Variants in SPRED1 observed in about 807,000 individuals in gnomAD.
SPRED1 encodes the protein sprouty related EVH1 domain containing 1.
Under a neutral mutation model 52.3 loss-of-function variants are expected in SPRED1, and 18 were observed. That is an observed-to-expected ratio of 0.34 (90% CI 0.24 to 0.51). SPRED1 has a LOEUF of 0.51. Ranked by LOEUF, SPRED1 falls within the 20% of genes least tolerant of loss-of-function variation. SPRED1 has a pLI of 0.97. For missense variants in SPRED1, 485 were observed against 551.0 expected (o/e 0.88, Z 1.20); for synonymous variants, 155 against 179.7 (o/e 0.86, Z 1.10).
At chr15:38,268,299 G>C (rs1402481869) in intron 1 of SPRED1, 1 of 152,144 alleles carries the variant, frequency 6.6e-6, no homozygotes, top group African/African-American at 2.4e-5. Context: ...GAACATAAAT[G>C]TGAATCTTCA....
intron 5 of SPRED1, among the ~76,000 whole-genome samples, chr15:38,340,938 A>C (rs1355100850): frequency 6.7e-6 from 1 of 148,306 alleles, no homozygotes; most frequent in Non-Finnish European, 1.5e-5. Context: ...TAAGATTGGT[A>C]GTTATTTCTT....
intron 2 of SPRED1, among the ~76,000 whole-genome samples, chr15:38,314,279 T>C (rs1156823997): frequency 1.3e-5 from 2 of 151,854 alleles, no homozygotes; most frequent in Non-Finnish European, 3.0e-5. Context: ...TTGAGACATA[T>C]ATTCAGATAT....
At chr15:38,291,634 C>G (rs1894925693) in intron 1 of SPRED1, among the ~76,000 whole-genome samples, 1 of 152,236 alleles carries the variant, frequency 6.6e-6, no homozygotes, top group Non-Finnish European at 1.5e-5. Context: ...CCCACAGGTT[C>G]AACACCATGT....
At chr15:38,309,746 C>T (rs1895323573) in intron 2 of SPRED1, among the ~76,000 whole-genome samples, 1 of 152,092 alleles carries the variant, frequency 6.6e-6, no homozygotes, top group South Asian at 2.1e-4. Flanking sequence ...ACATTTAAGC[C>T]CATTGTCCAT....
Position 38,272,378 on chromosome 15 carries a change from C to T in SPRED1, c.32+19161C>T, listed in dbSNP as rs1178621635. Reference sequence around the variant, plus strand: ...CTGCCTCCCAGGTTCAAGCCATTTTCCTGCCTCAGCCTCCCAAGTAGTTGG... The same window carrying T: ...CTGCCTCCCAGGTTCAAGCCATTTTTCTGCCTCAGCCTCCCAAGTAGTTGG... On this transcript the variant is annotated intron_variant, in intron 1 of 6. Coordinates refer to ENST00000299084, the MANE Select transcript of SPRED1 (RefSeq NM_152594.3). Among the ~76,000 whole-genome samples the T allele has an allele frequency of 6.1e-5, 9 of 148,202 alleles. No individual in the cohort carries two copies. In the Admixed American group the frequency reaches 6.3e-4, roughly 10 times the overall value.
At chr15:38,295,597 A>G (rs956968869) in intron 1 of SPRED1, among the ~76,000 whole-genome samples, 7 of 152,216 alleles carry the variant, frequency 4.6e-5, no homozygotes, top group Admixed American at 2.6e-4. Context: ...ATAGGAGTCA[A>G]TATTGTGCTA....
chr15:38,341,630 C>A (rs769669732), intron 5 of SPRED1, among the ~76,000 whole-genome samples: 49 of 152,016 alleles, frequency 3.2e-4, no homozygotes, highest in Non-Finnish European at 5.3e-4. Context: ...CCTATTTTTA[C>A]CATTATCAGA....
At chr15:38,316,202 G>A (rs899888375) in intron 2 of SPRED1, among the ~76,000 whole-genome samples, 21 of 151,814 alleles carry the variant, frequency 1.4e-4, no homozygotes, top group African/African-American at 2.9e-4. Flanking sequence ...TAAGGAAACC[G>A]TTTGTTTTCC....
intron 2 of SPRED1, among the ~76,000 whole-genome samples, chr15:38,320,599 G>A (rs1895581888): frequency 6.6e-6 from 1 of 152,136 alleles, no homozygotes; most frequent in South Asian, 2.1e-4. Flanking sequence ...TGGAAGAGAT[G>A]TGCAAGTGAT....
intron 1 of SPRED1, among the ~76,000 whole-genome samples, chr15:38,279,999 A>C (rs574147063): frequency 2.0e-5 from 3 of 152,272 alleles, no homozygotes; most frequent in Admixed American, 6.5e-5. Flanking sequence ...GAACTATTAC[A>C]GTTGCATGTG....
chr15:38,330,094 T>G (rs897419210), intron 4 of SPRED1, among the ~76,000 whole-genome samples: 3 of 152,150 alleles, frequency 2.0e-5, no homozygotes, highest in African/African-American at 7.2e-5. Flanking sequence ...TAACTACTGC[T>G]TATTAACTCA....
At chr15:38,298,550 G>A in intron 1 of SPRED1, 1 of 233,446 alleles carries the variant, frequency 4.3e-6, no homozygotes. Flanking sequence ...CAACATGAGA[G>A]AAAGAAGTCA....
rs79767841 is a variant in SPRED1 at position 38,313,684 on chromosome 15, G to A, written c.208-8557G>A. Among the ~76,000 whole-genome samples the A allele has an allele frequency of 4.2e-4, 64 of 151,292 alleles. 2 individuals carry two copies. In the East Asian group the frequency reaches 9.1e-3, roughly 21 times the overall value. ...TATATTCTAAACAAGCAAGCAAATGGTGAAAAAGTAGTTCTTCCTTTCTGT... is the reference window on the plus strand; with the variant it reads ...TATATTCTAAACAAGCAAGCAAATGATGAAAAAGTAGTTCTTCCTTTCTGT... On this transcript the variant is annotated intron_variant, in intron 2 of 6. Coordinates refer to ENST00000299084, the MANE Select transcript of SPRED1 (RefSeq NM_152594.3).
At chr15:38,300,793 G>T (rs189056417) in intron 2 of SPRED1, among the ~76,000 whole-genome samples, 2 of 152,076 alleles carry the variant, frequency 1.3e-5, no homozygotes, top group Non-Finnish European at 2.9e-5. Flanking sequence ...TTTAAAGGTG[G>T]TCTGGCCTTG....
Position 38,351,754 on chromosome 15 carries a change from A to C in SPRED1, c.*90A>C. 6.8e-7 allele frequency: 1 copy of C among 1,464,648 alleles called. No homozygotes were observed. The highest frequency in any genetic ancestry group is 2.1e-4 in the Middle Eastern group (1 of 4,830). The allele number at this position is 1,464,648 out of a possible 1,614,324, so 90.7% of individuals were successfully genotyped here. On this transcript the variant is annotated 3_prime_UTR_variant, in exon 7 of 7. Coordinates refer to ENST00000299084, the MANE Select transcript of SPRED1 (RefSeq NM_152594.3). ...GGAAGCTTTTGGCAAGCAATATGGA[A>C]TCTTGCCTGGTATCATTGAGCCCAC... is the stretch of plus-strand genomic sequence containing the variant.
intron 1 of SPRED1, among the ~76,000 whole-genome samples, chr15:38,265,408 G>A (rs941686354): frequency 3.3e-5 from 5 of 152,092 alleles, no homozygotes; most frequent in South Asian, 4.2e-4. Context: ...AGGTGGGGTC[G>A]CTTTTTAAAA....
At chr15:38,348,714 A>G (rs537105511) in intron 5 of SPRED1, among the ~76,000 whole-genome samples, 2 of 152,252 alleles carry the variant, frequency 1.3e-5, no homozygotes, top group South Asian at 4.1e-4. Flanking sequence ...GTGAAGCTAG[A>G]TAATAGACCC....
chr15:38,308,741 G>C (rs1215882589), intron 2 of SPRED1, among the ~76,000 whole-genome samples: 1 of 152,114 alleles, frequency 6.6e-6, no homozygotes, highest in South Asian at 2.1e-4. Flanking sequence ...AGGACATCTT[G>C]GCTGTTTCCA....
At chr15:38,327,645 G>A (rs1462074273) in intron 4 of SPRED1, among the ~76,000 whole-genome samples, 1 of 152,188 alleles carries the variant, frequency 6.6e-6, no homozygotes, top group East Asian at 1.9e-4. Context: ...GAACCATCCT[G>A]AAAGCAAGTC....
Sources: allele counts gnomAD v4.1 joint callset (sites outside exome capture counted in the v4.1 genomes callset), GRCh38; gene constraint gnomAD v4.1.1; transcripts MANE v1.5; gene names NCBI Gene and HGNC (gene_info 2026-07-23, HGNC 2026-07-21).